The following PHB1 variants were observed in gnomAD, a reference collection of about 807,000 sequenced individuals.
The protein encoded by PHB1 is prohibitin 1.
At chr17:49,411,551 G>A in the PHB1 span, 47,785 of 778,634 alleles carry the variant, frequency 0.061, 1,884 homozygotes, top group South Asian at 0.11. Context: ...AAGTAGTCTA[G>A]TCATTCCTAT....
At chr17:49,412,997 G>A in the PHB1 span, 1 of 563,418 alleles carries the variant, frequency 1.8e-6, no homozygotes. Context: ...ACCTATGACT[G>A]AAAGGTCAGG....
chr17:49,405,040 G>A, the PHB1 span: 10 of 1,574,328 alleles, frequency 6.4e-6, no homozygotes, highest in Non-Finnish European at 8.6e-6. Context: ...GCAGGTAGGT[G>A]ATGTTCCGAG....
the PHB1 span, chr17:49,413,359 C>CGGCG: frequency 1.2e-6 from 1 of 815,340 alleles, no homozygotes; most frequent in Admixed American, 2.0e-5. Flanking sequence ...CTCTCTGACA[C>CGGCG]ACAACAGTCA....
At chr17:49,405,358 G>T in the PHB1 span, among the ~76,000 whole-genome samples, 1 of 152,178 alleles carries the variant, frequency 6.6e-6, no homozygotes, top group Admixed American at 6.5e-5. Context: ...GAAGCGGGGG[G>T]AAGCAGAGCA....
the PHB1 span, chr17:49,414,413 T>C: frequency 1.3e-4 from 20 of 151,684 alleles, no homozygotes; most frequent in African/African-American, 4.8e-4. Flanking sequence ...AGGGTGGGGC[T>C]GAGGCGGGGT....
the PHB1 span, chr17:49,407,114 G>A: frequency 1.3e-5 from 6 of 455,252 alleles, no homozygotes; most frequent in African/African-American, 2.0e-5. Flanking sequence ...GGCACCGGGG[G>A]CTTTTGATGG....
At chr17:49,410,527 T>G in the PHB1 span, among the ~76,000 whole-genome samples, 2 of 152,264 alleles carry the variant, frequency 1.3e-5, no homozygotes, top group South Asian at 4.1e-4. Flanking sequence ...CCATGCAAAG[T>G]TTGCAACACT....
chr17:49,411,241 C>A, the PHB1 span, among the ~76,000 whole-genome samples: 11 of 148,072 alleles, frequency 7.4e-5, no homozygotes, highest in Non-Finnish European at 1.6e-4. Context: ...CACTCTGTTG[C>A]CCAGGCTGCA....
chr17:49,411,964 T>C, the PHB1 span: 1 of 821,258 alleles, frequency 1.2e-6, no homozygotes, highest in Non-Finnish European at 1.9e-6. Flanking sequence ...CTCTCTGTCT[T>C]CCCCAACTCC....
At chr17:49,409,532 GTTTTTTTTTTGTTTTT>G in the PHB1 span, 2 of 744,666 alleles carry the variant, frequency 2.7e-6, no homozygotes, top group Non-Finnish European at 3.9e-6. Context: ...GAAAACAAGT[GTTTTTTTTTTGTTTTT>G]TTTTTTTTTT....
At chr17:49,410,115 T>C in the PHB1 span, among the ~76,000 whole-genome samples, 3 of 152,124 alleles carry the variant, frequency 2.0e-5, no homozygotes, top group Non-Finnish European at 4.4e-5. Context: ...ACTCCTGGGC[T>C]CAAGTGATCC....
At chr17:49,409,305 G>A in the PHB1 span, 31 of 1,613,744 alleles carry the variant, frequency 1.9e-5, no homozygotes, top group East Asian at 4.5e-5. Context: ...CTCTGGGCTC[G>A]AGGCTAAAGG....
At chr17:49,405,146 T>G in the PHB1 span, 1 of 1,613,976 alleles carries the variant, frequency 6.2e-7, no homozygotes, top group Non-Finnish European at 8.5e-7. Context: ...GGCAATCAGC[T>G]CAGCTGCCTT....
At chr17:49,409,484 G>A in the PHB1 span, 2 of 1,612,406 alleles carry the variant, frequency 1.2e-6, no homozygotes, top group Non-Finnish European at 1.7e-6. Flanking sequence ...CTTAGGGTAG[G>A]GGACAAACAC....
chr17:49,408,986 G>A, the PHB1 span: 1 of 1,060,022 alleles, frequency 9.4e-7, no homozygotes, highest in Non-Finnish European at 1.4e-6. Context: ...ATGGAGCCAG[G>A]CACCTAAACG....
chr17:49,410,274 C>T, the PHB1 span, among the ~76,000 whole-genome samples: 2 of 152,200 alleles, frequency 1.3e-5, no homozygotes, highest in African/African-American at 4.8e-5. Flanking sequence ...CTGCCTCAGC[C>T]TCTTGAGTAG....
chr17:49,414,048 G>A, the PHB1 span, among the ~76,000 whole-genome samples: 8 of 152,180 alleles, frequency 5.3e-5, no homozygotes, highest in African/African-American at 1.9e-4. Flanking sequence ...AAAAGTAACC[G>A]TAACAGCTAA....
the PHB1 span, among the ~76,000 whole-genome samples, chr17:49,413,952 C>T: frequency 0.11 from 16,024 of 151,740 alleles, 1,091 homozygotes; most frequent in Non-Finnish European, 0.16. Flanking sequence ...AGTAGGCCCC[C>T]AAAAAGAGGC....
chr17:49,404,683 G>A, the PHB1 span: 1 of 421,102 alleles, frequency 2.4e-6, no homozygotes, highest in Non-Finnish European at 4.5e-6. Flanking sequence ...CCTGCGTGCT[G>A]CCAAATGCTG....
Sources: gnomAD v4.1 joint callset for allele counts (sites outside exome capture counted in the v4.1 genomes callset) on GRCh38, gnomAD v4.1.1 for gene constraint, MANE v1.5 for transcripts, NCBI Gene and HGNC (gene_info 2026-07-23, HGNC 2026-07-21) for gene names.